The following ZNF385D variants were observed in gnomAD, a reference collection of about 807,000 sequenced individuals.
The protein encoded by ZNF385D is zinc finger protein 659.
In ZNF385D, 15 loss-of-function variants were observed where a neutral mutation model predicts 35.8. That is an observed-to-expected ratio of 0.42 (90% CI 0.28 to 0.64). The LOEUF (loss-of-function observed/expected upper bound fraction) is 0.64. Among genes scored for constraint, ZNF385D ranks in the 30% least tolerant of loss-of-function variants. The pLI is 0.23. For synonymous variants in ZNF385D, 212 were observed against 186.8 expected (o/e 1.13, Z -1.10); for missense variants, 474 against 494.6 (o/e 0.96, Z 0.39).
intron 3 of ZNF385D, among the ~76,000 whole-genome samples, chr3:21,563,030 A>G (rs1259223861): frequency 1.3e-5 from 2 of 152,172 alleles, no homozygotes; most frequent in African/African-American, 2.4e-5. Flanking sequence ...AAGTGCTGGT[A>G]TGGTCTGATT....
chr3:21,934,665 A>T (rs954086939), intron 3 of ZNF385D, among the ~76,000 whole-genome samples: 3 of 152,194 alleles, frequency 2.0e-5, no homozygotes, highest in Admixed American at 6.5e-5. Context: ...ATAATGCAAC[A>T]AGAGGGACTC....
chr3:22,200,285 G>A (rs538020720), intron 2 of ZNF385D, among the ~76,000 whole-genome samples: 41 of 152,110 alleles, frequency 2.7e-4, no homozygotes, highest in Admixed American at 1.2e-3. Context: ...AGCATTGGCC[G>A]GTTTGAGAAG....
chr3:21,764,551 A>T (rs1432468584), intron 3 of ZNF385D, among the ~76,000 whole-genome samples: 1 of 152,232 alleles, frequency 6.6e-6, no homozygotes, highest in Non-Finnish European at 1.5e-5. Flanking sequence ...AAACATAGCA[A>T]GCAAGAACGA....
At chr3:22,113,711 A>G (rs1405751604) in intron 3 of ZNF385D, among the ~76,000 whole-genome samples, 1 of 152,082 alleles carries the variant, frequency 6.6e-6, no homozygotes, top group East Asian at 1.9e-4. Flanking sequence ...CAAAAAAGAT[A>G]CACAGATACA....
intron 3 of ZNF385D, among the ~76,000 whole-genome samples, chr3:22,066,299 C>A (rs1699944451): frequency 7.4e-6 from 1 of 135,872 alleles, no homozygotes; most frequent in African/African-American, 3.1e-5. Context: ...TTCTTTGTAG[C>A]TAAGGAGTGT....
chr3:21,716,482 T>C (rs903183342), intron 1 of ZNF385D, among the ~76,000 whole-genome samples: 3 of 152,260 alleles, frequency 2.0e-5, no homozygotes, highest in South Asian at 4.1e-4. Flanking sequence ...TCTGTATTAT[T>C]TCTCTGACAT....
intron 3 of ZNF385D, among the ~76,000 whole-genome samples, chr3:21,827,677 G>A (rs1038002808): frequency 6.6e-6 from 1 of 152,142 alleles, no homozygotes; most frequent in Admixed American, 6.5e-5. Context: ...CTATTTTGAA[G>A]CATTACAAGG....
At chr3:21,889,038 C>T (rs1007497352) in intron 3 of ZNF385D, among the ~76,000 whole-genome samples, 1 of 152,120 alleles carries the variant, frequency 6.6e-6, no homozygotes, top group African/African-American at 2.4e-5. Context: ...TGGGGAGTGC[C>T]CTTGACATTT....
intron 2 of ZNF385D, among the ~76,000 whole-genome samples, chr3:22,179,899 A>T (rs935628181): frequency 6.6e-6 from 1 of 152,202 alleles, no homozygotes; most frequent in Non-Finnish European, 1.5e-5. Flanking sequence ...GAGCAAACAC[A>T]TTCAAAAGCT....
intron 2 of ZNF385D, among the ~76,000 whole-genome samples, chr3:22,354,514 T>C (rs1191261809): frequency 6.6e-6 from 1 of 152,070 alleles, no homozygotes; most frequent in African/African-American, 2.4e-5. Flanking sequence ...AGGAAATGAA[T>C]AGATTGTATT....
rs560480733 is a variant in ZNF385D, at chr3:22,240,536, C to G, written c.107-71501G>C. Among the ~76,000 whole-genome samples, 25 of 151,100 alleles carry G rather than the reference C, an allele frequency of 1.7e-4. 3 individuals carry two copies. The South Asian group carries it at 5.4e-3, about 33-fold the overall frequency. On this transcript the variant is annotated intron_variant, in intron 2 of 5. Transcript: ENST00000494108. The stretch of plus-strand genomic sequence containing the variant: ...GTGGACTATTGAACTCCTTTCAGAT[C>G]TGTGCTTCCCCACAGCATTACCTTG...
chr3:21,415,430 A>G lies in ZNF385D; in HGVS notation c.*5784T>C, dbSNP rs1036657904. On this transcript the variant is annotated 3_prime_UTR_variant, in exon 8 of 8. Coordinates refer to ENST00000281523, the MANE Select transcript of ZNF385D (RefSeq NM_024697.3). ...TTATATCTACTTCCCAGCCCCTCCA[A>G]TGCCCTAAAATGATTAATGCCCCAA... 1.3e-5 allele frequency: 2 copies of G among 152,090 alleles called. No homozygotes were observed. The highest frequency in any genetic ancestry group is 1.3e-4 in the Admixed American group (2 of 15,254). The allele number at this position is 152,090 out of a possible 1,614,324, so 9.4% of individuals were successfully genotyped here.
At chr3:22,274,152 T>C (rs1318337354) in intron 2 of ZNF385D, among the ~76,000 whole-genome samples, 2 of 151,892 alleles carry the variant, frequency 1.3e-5, no homozygotes, top group Non-Finnish European at 2.9e-5. Flanking sequence ...AATTGGATTT[T>C]CTTCCCTCCA....
At position 21,978,766 on chromosome 3, in the gene ZNF385D, G is replaced by A. The variant is rs116474876; in HGVS notation, c.325+190051C>T. 2.3e-3 allele frequency among the ~76,000 whole-genome samples: 348 copies of A among 152,020 alleles called. 3 individuals carry two copies. The highest frequency in any genetic ancestry group is 7.9e-3 in the African/African-American group (329 of 41,440). ...ATTAACACCTTGAAAAGTCTTCTCG[G>A]GGAGCAAGGCTAGATGGCATGTGAA... On this transcript the variant is annotated intron_variant, in intron 3 of 5. Coordinates refer to the ZNF385D transcript ENST00000494108.
At chr3:21,977,084 T>C (rs112006718) in intron 3 of ZNF385D, among the ~76,000 whole-genome samples, 4,333 of 151,954 alleles carry the variant, frequency 0.029, 216 homozygotes, top group African/African-American at 0.098. Context: ...TACAAAAGAG[T>C]ACGTGTTGCA....
At chr3:21,641,342 A>C (rs2125858178) in intron 2 of ZNF385D, among the ~76,000 whole-genome samples, 1 of 151,962 alleles carries the variant, frequency 6.6e-6, no homozygotes, top group South Asian at 2.1e-4. Flanking sequence ...GAATAGGAGG[A>C]GGAGAAGGAA....
At chr3:21,608,744 T>C (rs191229120) in intron 2 of ZNF385D, among the ~76,000 whole-genome samples, 39 of 152,326 alleles carry the variant, frequency 2.6e-4, no homozygotes, top group Non-Finnish European at 2.4e-4. Flanking sequence ...TTTGGTTTCA[T>C]GTAGAAGTCA....
chr3:21,555,384 C>G (rs1287646581), intron 3 of ZNF385D, among the ~76,000 whole-genome samples: 1 of 152,084 alleles, frequency 6.6e-6, no homozygotes, highest in African/African-American at 2.4e-5. Context: ...GACCCTTCGA[C>G]AGGCCCTGGT....
chr3:21,965,859 G>A (rs1032155857), intron 3 of ZNF385D, among the ~76,000 whole-genome samples: 1 of 152,092 alleles, frequency 6.6e-6, no homozygotes, highest in African/African-American at 2.4e-5. Flanking sequence ...AAGGGAGGAA[G>A]GAATGGAAGA....
Sources: allele counts gnomAD v4.1 joint callset (sites outside exome capture counted in the v4.1 genomes callset), GRCh38; gene constraint gnomAD v4.1.1; transcripts MANE v1.5; gene names NCBI Gene and HGNC (gene_info 2026-07-23, HGNC 2026-07-21).